Variants in PPP2R3A observed in about 807,000 individuals in gnomAD.
PPP2R3A encodes the protein protein phosphatase 2 regulatory subunit B''alpha.
PPP2R3A carries 80 observed loss-of-function variants against 106.9 expected under a neutral mutation model. The ratio of observed to expected loss-of-function variants is 0.75; its 90% confidence interval spans 0.62 to 0.90. PPP2R3A has a LOEUF of 0.90. PPP2R3A is among the 40% of genes least tolerant of loss of function. The probability of loss-of-function intolerance (pLI) is 0.00; values close to 1 mark genes in which losing one functional copy is unlikely to be tolerated. For missense variants in PPP2R3A, 1,386 were observed against 1,350.4 expected, an observed-to-expected ratio of 1.03 and a Z score of -0.41; for synonymous variants, 483 against 468.3, an observed-to-expected ratio of 1.03 and a Z score of -0.41.
At chr3:136,022,631 C>A in intron 2 of PPP2R3A, 1 of 363,566 alleles carries the variant, frequency 2.8e-6, no homozygotes, top group Non-Finnish European at 3.8e-6. Context: ...GGATTGACAC[C>A]TCACATACCC....
chr3:135,973,027 C>A lies in PPP2R3A; in HGVS notation c.-441+7178C>A, dbSNP rs75379603. On this transcript the variant is annotated intron_variant, in intron 1 of 13. Coordinates refer to ENST00000264977, the MANE Select transcript of PPP2R3A (RefSeq NM_002718.5). ...ATCTATCACCAAATCCAAGGTCCTG[C>A]CAGTTTACTCCTGTGTTTTCTTCTG... 3.1e-3 allele frequency among the ~76,000 whole-genome samples: 474 copies of A among 152,228 alleles called. 2 individuals are homozygous for A. Among genetic ancestry groups the A allele is most frequent in the African/African-American group, 0.011 (461 of 41,546 alleles).
chr3:135,996,075 A>G (rs1206120915), intron 1 of PPP2R3A, among the ~76,000 whole-genome samples: 1 of 152,186 alleles, frequency 6.6e-6, no homozygotes, highest in Non-Finnish European at 1.5e-5. Context: ...ATAAATGACA[A>G]CCATGTCACA....
chr3:136,055,256 CAT>C, intron 5 of PPP2R3A: 1 of 832,346 alleles, frequency 1.2e-6, no homozygotes, highest in East Asian at 2.4e-5. Context: ...TAAAAAGAAA[CAT>C]GAAGTACAAA....
chr3:135,983,549 G>A (rs1307796800), intron 1 of PPP2R3A, among the ~76,000 whole-genome samples: 1 of 152,126 alleles, frequency 6.6e-6, no homozygotes, highest in African/African-American at 2.4e-5. Flanking sequence ...CTATTTATAT[G>A]TTTCCTCTAA....
intron 13 of PPP2R3A, among the ~76,000 whole-genome samples, chr3:136,120,899 A>G (rs1388015599): frequency 6.6e-6 from 1 of 152,160 alleles, no homozygotes; most frequent in African/African-American, 2.4e-5. Context: ...CACCAGTCAG[A>G]AGGGCTATTC....
chr3:136,041,835 A>C (rs535304645), intron 4 of PPP2R3A, among the ~76,000 whole-genome samples: 1 of 152,200 alleles, frequency 6.6e-6, no homozygotes, highest in African/African-American at 2.4e-5. Context: ...CTTGAATTCA[A>C]ACCCAACATC....
intron 6 of PPP2R3A, among the ~76,000 whole-genome samples, chr3:136,073,383 A>G (rs985207209): frequency 6.6e-6 from 1 of 152,250 alleles, no homozygotes; most frequent in Non-Finnish European, 1.5e-5. Context: ...AAAATGAACT[A>G]CACTGGCGAA....
At chr3:136,126,850 G>A (rs567321366) in intron 13 of PPP2R3A, among the ~76,000 whole-genome samples, 4 of 152,274 alleles carry the variant, frequency 2.6e-5, no homozygotes, top group Non-Finnish European at 4.4e-5. Flanking sequence ...TGCAGCCTCC[G>A]CTGGTGATAC....
intron 2 of PPP2R3A, among the ~76,000 whole-genome samples, chr3:136,010,967 T>C (rs1451457346): frequency 1.3e-5 from 2 of 152,176 alleles, no homozygotes; most frequent in East Asian, 3.9e-4. Context: ...TTGTCTGCTC[T>C]TCTTCACTCC....
At chr3:136,086,474 G>A (rs1032209236) in intron 8 of PPP2R3A, among the ~76,000 whole-genome samples, 1 of 151,984 alleles carries the variant, frequency 6.6e-6, no homozygotes, top group Non-Finnish European at 1.5e-5. Flanking sequence ...AGAGCGAGAA[G>A]GGGCCACTGA....
intron 2 of PPP2R3A, among the ~76,000 whole-genome samples, chr3:136,020,357 CTCATACAT>C (rs1460757198): frequency 1.3e-5 from 2 of 151,924 alleles, no homozygotes; most frequent in African/African-American, 4.8e-5. Context: ...GAGAATGAGT[CTCATACAT>C]ATTTAGAGTT....
intron 3 of PPP2R3A, among the ~76,000 whole-genome samples, chr3:136,027,401 A>G (rs911311981): frequency 6.6e-6 from 1 of 151,892 alleles, no homozygotes; most frequent in Non-Finnish European, 1.5e-5. Flanking sequence ...TTGTTAGAAA[A>G]TTTTTCCTTG....
intron 5 of PPP2R3A, among the ~76,000 whole-genome samples, chr3:136,063,049 C>T (rs552673184): frequency 1.3e-5 from 2 of 152,338 alleles, no homozygotes; most frequent in African/African-American, 2.4e-5. Flanking sequence ...ACCAAAACAG[C>T]ATGGTGCTGG....
intron 13 of PPP2R3A, among the ~76,000 whole-genome samples, chr3:136,116,728 C>A (rs1439975097): frequency 2.6e-5 from 4 of 152,098 alleles, no homozygotes; most frequent in Non-Finnish European, 5.9e-5. Context: ...ACAGGAGCAC[C>A]CAGATTCATT....
At chr3:136,033,132 A>C (rs1232048653) in intron 3 of PPP2R3A, among the ~76,000 whole-genome samples, 2 of 152,176 alleles carry the variant, frequency 1.3e-5, no homozygotes. Flanking sequence ...TATTGAGATG[A>C]TCATGTGATT....
At chr3:136,046,538 A>G (rs1171860810) in intron 4 of PPP2R3A, among the ~76,000 whole-genome samples, 3 of 152,162 alleles carry the variant, frequency 2.0e-5, no homozygotes, top group African/African-American at 4.8e-5. Context: ...CCAATTGGCT[A>G]TACTCAGCTT....
chr3:136,122,939 C>T (rs1258252866), intron 13 of PPP2R3A, among the ~76,000 whole-genome samples: 1 of 152,134 alleles, frequency 6.6e-6, no homozygotes, highest in African/African-American at 2.4e-5. Flanking sequence ...GAAGGCATCT[C>T]ATAAAATTTA....
intron 2 of PPP2R3A, among the ~76,000 whole-genome samples, chr3:136,015,848 CT>C (rs1559870337): frequency 2.6e-5 from 4 of 151,632 alleles, no homozygotes; most frequent in Non-Finnish European, 1.5e-5. Context: ...TATTTCTTTT[CT>C]TTTGCTAGGT....
At chr3:136,036,689 C>T (rs973262470) in intron 3 of PPP2R3A, among the ~76,000 whole-genome samples, 2 of 152,176 alleles carry the variant, frequency 1.3e-5, no homozygotes, top group African/African-American at 4.8e-5. Flanking sequence ...TGATTTATTC[C>T]TGCAGTTGTT....
Sources: allele counts gnomAD v4.1 joint callset (sites outside exome capture counted in the v4.1 genomes callset), GRCh38; gene constraint gnomAD v4.1.1; transcripts MANE v1.5; gene names NCBI Gene and HGNC (gene_info 2026-07-23, HGNC 2026-07-21).